The following MZT2B variants were observed in gnomAD, a reference collection of about 807,000 sequenced individuals.
MZT2B encodes the protein mitotic-spindle organizing protein 2B.
MZT2B carries 11 observed loss-of-function variants against 12.1 expected under a neutral mutation model. The observed-to-expected ratio is 0.91, with a 90% CI of 0.57 to 1.50. The LOEUF (loss-of-function observed/expected upper bound fraction) is 1.50, where lower values mean the gene tolerates loss of function less well. Among genes scored for constraint, MZT2B ranks in the 40% most tolerant of loss-of-function variants. MZT2B has a pLI of 0.00. For missense variants in MZT2B, 209 were observed against 227.7 expected (o/e 0.92, Z 0.53); for synonymous variants, 85 against 109.5 (o/e 0.78, Z 1.40).
At chr2:130,193,218 A>G (rs191565054), downstream of MZT2B, among the ~76,000 whole-genome samples, 14 of 149,646 alleles carry the variant, frequency 9.4e-5, no homozygotes, top group Admixed American at 6.7e-4. Flanking sequence ...TCACACTACT[A>G]CAGCCTGAGA....
At chr2:130,198,399 C>A in the MZT2B span, 1 of 1,356,070 alleles carries the variant, frequency 7.4e-7, no homozygotes, top group Non-Finnish European at 1.0e-6. Flanking sequence ...TACTTCCAGA[C>A]CTCAACCGGC....
intron 2 of MZT2B, chr2:130,183,996 T>A (rs1689946469): frequency 6.4e-7 from 1 of 1,550,508 alleles, no homozygotes; most frequent in Non-Finnish European, 8.7e-7. Flanking sequence ...CTCTGGGGGT[T>A]GGTGCTCTCC....
At chr2:130,189,988 G>T (rs1690198265) in intron 2 of MZT2B, among the ~76,000 whole-genome samples, 1 of 152,156 alleles carries the variant, frequency 6.6e-6, no homozygotes, top group South Asian at 2.1e-4. Context: ...CCAATTCCAG[G>T]ACTTGGTGAC....
chr2:130,183,713 C>T (rs901532086), intron 2 of MZT2B: 7 of 1,550,196 alleles, frequency 4.5e-6, no homozygotes, highest in Admixed American at 3.9e-5. Flanking sequence ...CAAGAGGGCC[C>T]GGGCACCTGC....
At chr2:130,185,673 G>A (rs12622866) in intron 2 of MZT2B, among the ~76,000 whole-genome samples, 1 of 82,292 alleles carries the variant, frequency 1.2e-5, no homozygotes, top group Non-Finnish European at 2.8e-5. Context: ...CTGGTAGGCC[G>A]GGGGCGGGAG....
intron 2 of MZT2B, chr2:130,184,775 C>G (rs558068781): frequency 1.0e-6 from 1 of 985,420 alleles, no homozygotes; most frequent in South Asian, 4.7e-5. Flanking sequence ...TCAGCACTCA[C>G]TCAGGGCTCT....
downstream of MZT2B, chr2:130,190,730 T>A (rs12612244): frequency 1.4e-6 from 2 of 1,439,256 alleles, no homozygotes; most frequent in South Asian, 1.6e-5. Context: ...CCAGGTCAGA[T>A]GTTGTCTACC....
At chr2:130,182,562 G>C (rs1337602649) in intron 1 of MZT2B, 65 bp from the exon 2 acceptor site, 8 of 1,568,026 alleles carry the variant, frequency 5.1e-6, no homozygotes, top group South Asian at 1.2e-5. Context: ...GTCCTTGTCG[G>C]GTCTTCAGGG....
chr2:130,196,202 G>C, the MZT2B span: 4 of 1,613,992 alleles, frequency 2.5e-6, no homozygotes, highest in Non-Finnish European at 3.4e-6. Flanking sequence ...GTGCTTGCCA[G>C]CTCCAGTCTC....
At chr2:130,182,877 G>A in intron 2 of MZT2B, 102 bp downstream of exon 2, 1 of 1,468,518 alleles carries the variant, frequency 6.8e-7, no homozygotes, top group South Asian at 1.4e-5. Flanking sequence ...GGCCAGGCCT[G>A]TCTGTCGGTC....
At chr2:130,191,918 G>A (rs60154251), downstream of MZT2B, 637,269 of 1,610,554 alleles carry the variant, frequency 0.4, 127,171 homozygotes, top group Admixed American at 0.46. Context: ...CCAGGTCCTC[G>A]CGGGCCTCAG....
At chr2:130,184,413 T>A (rs1243657963) in intron 2 of MZT2B, 10 of 985,320 alleles carry the variant, frequency 1.0e-5, no homozygotes, top group East Asian at 1.1e-4. Context: ...GCCACACAGA[T>A]GCCATATGCT....
chr2:130,204,472 C>G, the MZT2B span: 1 of 347,214 alleles, frequency 2.9e-6, no homozygotes, highest in East Asian at 7.7e-5. Flanking sequence ...GGGTGGATGG[C>G]CTGAGGTCAG....
chr2:130,182,885 G>A, intron 2 of MZT2B, 110 bp downstream of exon 2: 9 of 1,469,932 alleles, frequency 6.1e-6, no homozygotes, highest in African/African-American at 1.4e-5. Flanking sequence ...CTGTCTGTCG[G>A]TCTAGGCCCA....
chr2:130,185,687 G>C lies in MZT2B; in HGVS notation c.319+2912G>C, dbSNP rs1573762366. Among the ~76,000 whole-genome samples the C allele has an allele frequency of 9.0e-5, 10 of 111,360 alleles. 3 individuals are homozygous for C. The highest frequency in any genetic ancestry group is 3.2e-5 in the African/African-American group (1 of 31,078). 73.1% of individuals were successfully genotyped at this position (111,360 alleles called of 152,430 possible). A position where few individuals can be genotyped will look rare whatever the true frequency, so the allele number is the denominator to read the frequency against. ...GCTGGTAGGCCGGGGGCGGGAGGAG[G>C]CAGGTGGGGGGGCACGGTCAAGATG... On this transcript the variant is annotated intron_variant, in intron 2 of 2. Transcript: ENST00000281871.
At chr2:130,200,906 A>G in the MZT2B span, among the ~76,000 whole-genome samples, 5 of 152,088 alleles carry the variant, frequency 3.3e-5, no homozygotes, top group Admixed American at 2.0e-4. Flanking sequence ...TTCCATCCCT[A>G]AAGATCATCT....
intron 2 of MZT2B, chr2:130,183,142 C>A: frequency 2.6e-6 from 1 of 384,910 alleles, no homozygotes; most frequent in Non-Finnish European, 4.7e-6. Context: ...GCGGGAGGAT[C>A]GTTTGAGGCC....
the MZT2B span, among the ~76,000 whole-genome samples, chr2:130,203,837 T>G: frequency 8.1e-4 from 123 of 151,668 alleles, no homozygotes; most frequent in African/African-American, 2.8e-3. Flanking sequence ...AATGCTTTAT[T>G]CACCTTTGCA....
rs141424167 is a variant in MZT2B, at chr2:130,184,505, G to A, written c.319+1730G>A. The A allele has an allele frequency of 7.2e-3, 7,074 of 985,444 alleles. 38 individuals carry two copies. The highest frequency in any genetic ancestry group is 8.1e-3 in the Non-Finnish European group (6,704 of 829,912). The allele number at this position is 985,444 out of a possible 1,614,324, so 61.0% of individuals were successfully genotyped here. A position where few individuals can be genotyped will look rare whatever the true frequency, so the allele number is the denominator to read the frequency against. ...GCACACTTTCCAGGTGTCAGCAGGT[G>A]TGATCAGGGGCTCAGAGCCAGGGTC... On this transcript the variant is annotated intron_variant, in intron 2 of 2. Coordinates refer to ENST00000281871, the MANE Select transcript of MZT2B (RefSeq NM_025029.5).
Sources: allele counts gnomAD v4.1 joint callset (sites outside exome capture counted in the v4.1 genomes callset), GRCh38; gene constraint gnomAD v4.1.1; transcripts MANE v1.5; gene names NCBI Gene and HGNC (gene_info 2026-07-23, HGNC 2026-07-21).